RANBP2: variants seen among roughly 807,000 people sequenced by gnomAD.
RANBP2 encodes RAN binding protein 2.
A neutral mutation model predicts 303.6 loss-of-function variants in RANBP2; 57 were observed. The ratio of observed to expected loss-of-function variants is 0.19; its 90% CI spans 0.15 to 0.23. The LOEUF is 0.23. RANBP2 is among the 10% of genes least tolerant of loss of function. RANBP2 has a pLI of 1.00. For missense variants in RANBP2, 3,138 were observed against 3,780.8 expected (o/e 0.83, Z 4.46); for synonymous variants, 1,167 against 1,301.5 (o/e 0.90, Z 2.23).
the RANBP2 span, among the ~76,000 whole-genome samples, chr2:109,331,065 A>G: frequency 6.6e-6 from 1 of 152,236 alleles, no homozygotes; most frequent in Non-Finnish European, 1.5e-5. Flanking sequence ...AATCTAAAAA[A>G]GACTCCTCAG....
the RANBP2 span, among the ~76,000 whole-genome samples, chr2:109,493,353 A>G: frequency 1.2e-5 from 1 of 84,168 alleles, no homozygotes; most frequent in African/African-American, 4.2e-5. Context: ...ACGTCATACA[A>G]ACAGACACAT....
the RANBP2 span, among the ~76,000 whole-genome samples, chr2:109,037,709 G>A: frequency 1.3e-5 from 2 of 152,126 alleles, no homozygotes; most frequent in African/African-American, 4.8e-5. Context: ...ATTTATGACA[G>A]TTCCAAAGAA....
At chr2:109,091,811 C>T in the RANBP2 span, among the ~76,000 whole-genome samples, 2 of 152,312 alleles carry the variant, frequency 1.3e-5, no homozygotes, top group African/African-American at 4.8e-5. Context: ...GAAGATGTCC[C>T]TTAACTATAG....
chr2:109,295,287 C>CT, the RANBP2 span, among the ~76,000 whole-genome samples: 42 of 152,312 alleles, frequency 2.8e-4, no homozygotes, highest in African/African-American at 9.9e-4. Context: ...AGCAGGTGCT[C>CT]TTGTCATCCC....
At chr2:108,762,798 CCATCATCATCATCAT>C (rs112880794) in intron 19 of RANBP2, among the ~76,000 whole-genome samples, 2 of 151,182 alleles carry the variant, frequency 1.3e-5, no homozygotes, top group Non-Finnish European at 2.9e-5. Flanking sequence ...ATAAATGTTA[CCATCATCATCATCAT>C]CATCATCATC....
the RANBP2 span, among the ~76,000 whole-genome samples, chr2:108,843,224 C>A: frequency 6.6e-6 from 1 of 152,196 alleles, no homozygotes; most frequent in South Asian, 2.1e-4. Flanking sequence ...GTGGCATGAT[C>A]TTGGCTCACT....
chr2:109,647,351 A>T, the RANBP2 span, among the ~76,000 whole-genome samples: 1 of 151,434 alleles, frequency 6.6e-6, no homozygotes, highest in Non-Finnish European at 1.5e-5. Flanking sequence ...TTTAGTAGAG[A>T]CGGGGTTTCA....
chr2:109,076,529 C>A, the RANBP2 span, among the ~76,000 whole-genome samples: 1 of 150,188 alleles, frequency 6.7e-6, no homozygotes, highest in African/African-American at 2.4e-5. Context: ...ATTTAAAAAT[C>A]AGATCTGATA....
the RANBP2 span, among the ~76,000 whole-genome samples, chr2:109,225,072 C>G: frequency 2.6e-5 from 4 of 151,966 alleles, no homozygotes; most frequent in African/African-American, 9.7e-5. Context: ...TGGCCTGGAG[C>G]CTTTTCGTTT....
chr2:109,378,850 C>G, the RANBP2 span, among the ~76,000 whole-genome samples: 1 of 152,204 alleles, frequency 6.6e-6, no homozygotes, highest in Non-Finnish European at 1.5e-5. Flanking sequence ...GTGGGCAGTT[C>G]TTTCCCCAGT....
intron 1 of RANBP2, among the ~76,000 whole-genome samples, chr2:108,725,155 T>G (rs1417688561): frequency 2.6e-5 from 4 of 152,096 alleles, no homozygotes; most frequent in Admixed American, 1.3e-4. Flanking sequence ...AATTCAGGTA[T>G]TTGCTTATAG....
At chr2:109,587,075 A>G in the RANBP2 span, among the ~76,000 whole-genome samples, 1 of 152,384 alleles carries the variant, frequency 6.6e-6, no homozygotes, top group South Asian at 2.1e-4. Flanking sequence ...CAGATGTTTA[A>G]TTAGCAGGTA....
chr2:109,173,139 A>C, the RANBP2 span, among the ~76,000 whole-genome samples: 3 of 152,362 alleles, frequency 2.0e-5, no homozygotes, highest in South Asian at 2.1e-4. Context: ...AATTTTAAAA[A>C]TTTGTAACTT....
At chr2:109,032,191 G>A in the RANBP2 span, among the ~76,000 whole-genome samples, 1 of 152,140 alleles carries the variant, frequency 6.6e-6, no homozygotes, top group Admixed American at 6.5e-5. Flanking sequence ...ATAGATCTTT[G>A]GAGATTTCTT....
the RANBP2 span, among the ~76,000 whole-genome samples, chr2:109,730,585 A>G: frequency 6.6e-6 from 1 of 152,128 alleles, no homozygotes; most frequent in Admixed American, 6.6e-5. Context: ...GCCTGCTATA[A>G]CAAAGTACCA....
At chr2:109,297,467 G>A in the RANBP2 span, among the ~76,000 whole-genome samples, 1 of 152,022 alleles carries the variant, frequency 6.6e-6, no homozygotes, top group Non-Finnish European at 1.5e-5. Flanking sequence ...CCAGAGGGGT[G>A]CCTGGTGTGG....
chr2:108,765,301 A>G lies in RANBP2; in HGVS notation c.4762A>G (p.Thr1588Ala). The change falls in exon 20 of 29, where the codon ACT (threonine) becomes GCT (alanine). Residue 1588 changes from threonine (T) to alanine (A), a missense_variant. Physicochemically the swap from Thr to Ala is moderately conservative, Grantham distance 58. This residue lies in a region of RANBP2 where 28 missense variants were observed against 43.2 expected (regional missense o/e 0.65). Transcript: ENST00000283195. ...AGCTCCTGCCTCTTTTAAGTTTGGT[A>G]CTTCAGAGACAAGCAAGGCTCCAAA... ...VPAPASFKFG[T>A]SETSKAPKSG... is the part of the protein sequence containing the mutation. 2.5e-6 allele frequency: 4 copies of G among 1,614,024 alleles called. No individual in the cohort carries two copies. The highest frequency in any genetic ancestry group is 3.4e-6 in the Non-Finnish European group (4 of 1,179,950).
chr2:109,490,691 C>T, the RANBP2 span: 3 of 1,532,054 alleles, frequency 2.0e-6, no homozygotes, highest in East Asian at 2.5e-5. Flanking sequence ...TGTCTCCAAC[C>T]CACGACCCCC....
chr2:108,722,915 AT>A lies in RANBP2; in HGVS notation c.72+3238del, dbSNP rs1348302049. Among the ~76,000 whole-genome samples, 4 of 152,238 alleles carry A rather than the reference AT, an allele frequency of 2.6e-5. No individual in the cohort carries two copies. The East Asian group carries it at 5.8e-4, about 22-fold the overall frequency. On this transcript the variant is annotated intron_variant, in intron 1 of 28. Transcript: ENST00000283195. ...CCAAAAAAGAAAAAAAGAAAAAAAA[AT>A]ATAATTCTTTCTCTAGTTTTTCTTT...
Sources: allele counts gnomAD v4.1 joint callset (sites outside exome capture counted in the v4.1 genomes callset), GRCh38; gene constraint gnomAD v4.1.1; regional missense constraint gnomAD v4.1.1; transcripts MANE v1.5; gene names NCBI Gene and HGNC (gene_info 2026-07-23, HGNC 2026-07-21).